Variants in ATP8B4 observed in about 807,000 individuals in gnomAD.
The protein encoded by ATP8B4 is probable phospholipid-transporting ATPase IM.
ATP8B4 carries 133 observed loss-of-function variants against 145.6 expected under a neutral mutation model. The observed-to-expected ratio is 0.91, with a 90% CI of 0.79 to 1.05. The LOEUF is 1.05. Among genes scored for constraint, ATP8B4 ranks in the 50% least tolerant of loss-of-function variants. The pLI, the probability that ATP8B4 is intolerant of heterozygous loss-of-function variation, is 0.00. For synonymous variants in ATP8B4, 507 were observed against 492.9 expected, an observed-to-expected ratio of 1.03 and a Z score of -0.38; for missense variants, 1,458 against 1,425.2, an observed-to-expected ratio of 1.02 and a Z score of -0.37.
At chr15:50,056,003 G>C (rs905035336) in intron 3 of ATP8B4, among the ~76,000 whole-genome samples, 1 of 152,146 alleles carries the variant, frequency 6.6e-6, no homozygotes, top group African/African-American at 2.4e-5. Context: ...GCAATGGAAA[G>C]ACGACAGTGC....
At chr15:49,903,794 T>A (rs1488547437) in intron 20 of ATP8B4, among the ~76,000 whole-genome samples, 1 of 151,872 alleles carries the variant, frequency 6.6e-6, no homozygotes, top group African/African-American at 2.4e-5. Context: ...CTCGGGAGGC[T>A]GAGGCAGGAG....
At chr15:50,158,124 G>T (rs529426278) in intron 1 of ATP8B4, among the ~76,000 whole-genome samples, 1 of 152,218 alleles carries the variant, frequency 6.6e-6, no homozygotes, top group Non-Finnish European at 1.5e-5. Context: ...CCTCCCAGCC[G>T]TCTGCCTTGG....
At chr15:50,015,890 A>C (rs2049052892) in intron 6 of ATP8B4, among the ~76,000 whole-genome samples, 1 of 152,214 alleles carries the variant, frequency 6.6e-6, no homozygotes, top group African/African-American at 2.4e-5. Context: ...GCAAAATCAC[A>C]CAGGGAGGTC....
At chr15:50,091,257 A>G (rs1280380316) in intron 2 of ATP8B4, among the ~76,000 whole-genome samples, 1 of 152,192 alleles carries the variant, frequency 6.6e-6, no homozygotes, top group Non-Finnish European at 1.5e-5. Flanking sequence ...TACTCAGCCT[A>G]ATACAGTGAC....
At chr15:49,966,388 C>A (rs905421429) in intron 13 of ATP8B4, among the ~76,000 whole-genome samples, 2 of 152,182 alleles carry the variant, frequency 1.3e-5, no homozygotes, top group African/African-American at 4.8e-5. Context: ...TTCTCACTGC[C>A]AGCACAGCAG....
chr15:50,173,456 G>A (rs186299661), intron 1 of ATP8B4, among the ~76,000 whole-genome samples: 14,527 of 151,732 alleles, frequency 0.096, 882 homozygotes, highest in African/African-American at 0.16. Flanking sequence ...GATTAAGGGC[G>A]GTGCAAGATG....
At position 49,933,013 on chromosome 15, in the gene ATP8B4, T is replaced by C. The variant is rs542781607; in HGVS notation, c.1453+1004A>G. On this transcript the variant is annotated intron_variant, in intron 15 of 27. Coordinates refer to ENST00000284509, the MANE Select transcript of ATP8B4 (RefSeq NM_024837.4). The stretch of plus-strand genomic sequence containing the variant: ...CTAGGTGGCCTGAAAGAAATCAAGT[T>C]GAAACTTTAGTTTAAAATGTTTCTA... Among the ~76,000 whole-genome samples, 6 of 152,200 alleles carry C rather than the reference T, an allele frequency of 3.9e-5. No homozygotes were observed. In the South Asian group the frequency reaches 1.0e-3, roughly 26 times the overall value.
At chr15:50,125,180 G>A (rs751779384) in intron 1 of ATP8B4, among the ~76,000 whole-genome samples, 13 of 152,086 alleles carry the variant, frequency 8.5e-5, no homozygotes, top group Admixed American at 2.0e-4. Flanking sequence ...CAATGAACCC[G>A]ATCTGGATCA....
chr15:49,927,430 T>C (rs1473302991), intron 16 of ATP8B4, among the ~76,000 whole-genome samples: 1 of 152,076 alleles, frequency 6.6e-6, no homozygotes, highest in Non-Finnish European at 1.5e-5. Context: ...GAGACCAGGA[T>C]TGTTTTCTGC....
intron 14 of ATP8B4, among the ~76,000 whole-genome samples, chr15:49,958,707 T>C (rs927863011): frequency 1.8e-4 from 28 of 151,976 alleles, no homozygotes; most frequent in African/African-American, 6.3e-4. Context: ...AGCTTGCAAA[T>C]AAATGTGAAA....
At chr15:50,077,437 G>C (rs948809340) in intron 2 of ATP8B4, among the ~76,000 whole-genome samples, 1 of 152,130 alleles carries the variant, frequency 6.6e-6, no homozygotes, top group Admixed American at 6.5e-5. Context: ...ATAGAAAGCA[G>C]ATGAGATCAT....
intron 20 of ATP8B4, among the ~76,000 whole-genome samples, chr15:49,913,531 C>G (rs1280905621): frequency 6.6e-6 from 1 of 151,926 alleles, no homozygotes; most frequent in African/African-American, 2.4e-5. Flanking sequence ...AGCAATCAGG[C>G]AAGAGAAAAA....
Position 49,897,519 on chromosome 15 carries a change from C to A in ATP8B4, c.2474-4G>T, listed in dbSNP as rs775807246. The stretch of plus-strand genomic sequence containing the variant: ...ATGCCAACACCAATGTGAGCACCTA[C>A]AAAGGAAAGAGGAACACTGTCACTC... On this transcript the variant is annotated splice_region_variant and splice_polypyrimidine_tract_variant and intron_variant, in intron 22 of 27. Transcript: ENST00000284509. The A allele has an allele frequency of 7.9e-6, 12 of 1,521,368 alleles. No homozygotes were observed. In the African/African-American group the frequency reaches 1.4e-4, roughly 18 times the overall value. The allele number at this position is 1,521,368 out of a possible 1,614,324, so 94.2% of individuals were successfully genotyped here.
intron 6 of ATP8B4, among the ~76,000 whole-genome samples, chr15:50,027,231 C>G (rs1287251645): frequency 6.6e-6 from 1 of 152,214 alleles, no homozygotes; most frequent in Non-Finnish European, 1.5e-5. Context: ...CTACTGCTGT[C>G]AAATAAGAGT....
chr15:49,929,271 T>C (rs1241535699), intron 16 of ATP8B4, among the ~76,000 whole-genome samples: 1 of 152,142 alleles, frequency 6.6e-6, no homozygotes, highest in Non-Finnish European at 1.5e-5. Context: ...CTTTGGCAAG[T>C]TACTTAAAAT....
At chr15:50,112,972 T>C (rs566829939) in intron 1 of ATP8B4, among the ~76,000 whole-genome samples, 1 of 152,246 alleles carries the variant, frequency 6.6e-6, no homozygotes, top group African/African-American at 2.4e-5. Flanking sequence ...TGCACCAGTG[T>C]GGTCTTGAGC....
intron 19 of ATP8B4, chr15:49,917,271 G>A (rs2039837187): frequency 1.1e-5 from 5 of 456,162 alleles, no homozygotes; most frequent in Admixed American, 3.9e-5. Context: ...CAACACTAAC[G>A]AATGTGCAGC....
intron 8 of ATP8B4, among the ~76,000 whole-genome samples, chr15:50,001,853 T>C (rs1366170029): frequency 6.6e-6 from 1 of 152,158 alleles, no homozygotes; most frequent in Non-Finnish European, 1.5e-5. Flanking sequence ...ATTTTCCCTA[T>C]AAAATCACTT....
intron 14 of ATP8B4, among the ~76,000 whole-genome samples, chr15:49,953,461 G>A (rs1439955285): frequency 1.3e-5 from 2 of 152,200 alleles, no homozygotes; most frequent in Non-Finnish European, 2.9e-5. Context: ...GGATGGGTCA[G>A]GGTTAGACCT....
Sources: gnomAD v4.1 joint callset for allele counts (sites outside exome capture counted in the v4.1 genomes callset) on GRCh38, gnomAD v4.1.1 for gene constraint, MANE v1.5 for transcripts, NCBI Gene and HGNC (gene_info 2026-07-23, HGNC 2026-07-21) for gene names.